Variants in YWHAH observed in about 807,000 individuals in gnomAD.
YWHAH encodes 14-3-3 protein eta.
In YWHAH, 6 loss-of-function variants were observed where a neutral mutation model predicts 22.9. The ratio of observed to expected loss-of-function variants is 0.26; its 90% CI spans 0.14 to 0.52. YWHAH has a LOEUF of 0.52. Ranked by LOEUF, YWHAH falls within the 20% of genes least tolerant of loss-of-function variation. The pLI, the probability that YWHAH is intolerant of heterozygous loss-of-function variation, is 0.97. For synonymous variants in YWHAH, 135 were observed against 124.5 expected (o/e 1.08, Z -0.56); for missense variants, 173 against 308.6 (o/e 0.56, Z 3.29).
At chr22:31,952,524 C>T (rs544839395) in intron 1 of YWHAH, among the ~76,000 whole-genome samples, 1 of 152,196 alleles carries the variant, frequency 6.6e-6, no homozygotes, top group Non-Finnish European at 1.5e-5. Context: ...GAATTATAAC[C>T]CAGGAGTATT....
At chr22:31,953,780 A>T (rs535934706) in intron 1 of YWHAH, among the ~76,000 whole-genome samples, 1 of 152,298 alleles carries the variant, frequency 6.6e-6, no homozygotes, top group South Asian at 2.1e-4. Context: ...AATGGTCAGG[A>T]TAGCTGTTAG....
Position 31,956,948 on chromosome 22 carries a change from G to C in YWHAH, c.*156G>C. 1 of 975,408 alleles carries C rather than the reference G, an allele frequency of 1.0e-6. No individual in the cohort carries two copies. 60.4% of individuals were successfully genotyped at this position (975,408 alleles called of 1,614,324 possible). A position where few individuals can be genotyped will look rare whatever the true frequency, so the allele number is the denominator to read the frequency against. ...TCCTGTCTCTTGGGAAGCAGTTTCA[G>C]ATAAATCATGGGCATTGCTGGACTG... On this transcript the variant is annotated 3_prime_UTR_variant, in exon 2 of 2. Transcript: ENST00000248975. The surrounding 1 kb of genome is among the most constrained non-coding windows in gnomAD (Gnocchi z 5.1).
intron 1 of YWHAH, among the ~76,000 whole-genome samples, chr22:31,954,225 GT>G (rs1412431950): frequency 6.6e-6 from 1 of 151,888 alleles, no homozygotes; most frequent in Admixed American, 6.6e-5. Context: ...TACCTTTTTT[GT>G]TTAGTGTTTT....
In YWHAH at chr22:31,956,864, C is replaced by T. The variant is rs917203029; in HGVS notation, c.*72C>T. 1.4e-6 allele frequency: 2 copies of T among 1,473,732 alleles called. No individual in the cohort carries two copies. Among genetic ancestry groups the T allele is most frequent in the African/African-American group, 2.8e-5 (2 of 71,282 alleles). 91.3% of individuals were successfully genotyped at this position (1,473,732 alleles called of 1,614,324 possible). ...ATCACCGATTCTTCCTTGCCACAAT[C>T]ACTAAATATCTAGTGCTAAACCTAT... On this transcript the variant is annotated 3_prime_UTR_variant, in exon 2 of 2. Transcript: ENST00000248975. The surrounding 1 kb of genome is among the most constrained non-coding windows in gnomAD (Gnocchi z 5.1).
rs566574715 is a variant in YWHAH at position 31,949,830 on chromosome 22, CAAAGGG to C, written c.87+5012_87+5017del. On this transcript the variant is annotated intron_variant, in intron 1 of 1. Transcript: ENST00000248975. ...CACTATGTAACAATGCCCCATGAGGCAAAGGGATAATATGTCTAGTATACATTCTGG... is the reference window on the plus strand; with the variant it reads ...CACTATGTAACAATGCCCCATGAGGCATAATATGTCTAGTATACATTCTGG... Among the ~76,000 whole-genome samples, 26 of 152,248 alleles carry C rather than the reference CAAAGGG, an allele frequency of 1.7e-4. 1 individual carries two copies. In the South Asian group the frequency reaches 4.8e-3, roughly 28 times the overall value.
rs571623950 is a variant in YWHAH, at chr22:31,951,136, C to T, written c.88-5003C>T. On this transcript the variant is annotated intron_variant, in intron 1 of 1. Transcript: ENST00000248975. ...TCGTACTCCCTGGCCTCAAGTGATCCGCCTGCCTTGGCCTCCCAAAGTGCT... is the reference window on the plus strand; with the variant it reads ...TCGTACTCCCTGGCCTCAAGTGATCTGCCTGCCTTGGCCTCCCAAAGTGCT... 1.6e-4 allele frequency among the ~76,000 whole-genome samples: 25 copies of T among 152,210 alleles called. No individual in the cohort carries two copies. The South Asian group carries it at 2.5e-3, about 15-fold the overall frequency.
rs1269868463 is a variant in YWHAH, at chr22:31,957,115, G to C, written c.*323G>C. The stretch of plus-strand genomic sequence containing the variant: ...AAGATTAGAAAGAATTAGCCAACCA[G>C]GCTACAGTTGATATTTAAAAGATCC... On this transcript the variant is annotated 3_prime_UTR_variant, in exon 2 of 2. Transcript: ENST00000248975. 2 of 236,902 alleles carry C rather than the reference G, an allele frequency of 8.4e-6. No individual in the cohort carries two copies. Among genetic ancestry groups the C allele is most frequent in the African/African-American group, 4.5e-5 (2 of 44,108 alleles). The allele number at this position is 236,902 out of a possible 1,614,324, so 14.7% of individuals were successfully genotyped here.
intron 1 of YWHAH, among the ~76,000 whole-genome samples, chr22:31,950,908 T>C (rs2093842409): frequency 6.6e-6 from 1 of 152,072 alleles, no homozygotes; most frequent in African/African-American, 2.4e-5. Flanking sequence ...TCATTTTTTG[T>C]TTTTTTGAGA....
chr22:31,949,938 A>G (rs890641239), intron 1 of YWHAH, among the ~76,000 whole-genome samples: 3 of 150,392 alleles, frequency 2.0e-5, no homozygotes, highest in African/African-American at 7.3e-5. Context: ...AAATAATTTT[A>G]TCTGTTGGGT....
intron 1 of YWHAH, among the ~76,000 whole-genome samples, chr22:31,952,306 T>G (rs763761388): frequency 6.6e-6 from 1 of 152,212 alleles, no homozygotes; most frequent in Non-Finnish European, 1.5e-5. Context: ...TTTTCATTAG[T>G]TCTCCTGGCT....
In YWHAH at chr22:31,956,812, G is replaced by A. The variant is rs1333991872; in HGVS notation, c.*20G>A. The stretch of plus-strand genomic sequence containing the variant: ...AACTGAAGATCCTTCAGGTCCCCTG[G>A]CCCTTCCTTCACCCACCACCCCCAT... On this transcript the variant is annotated 3_prime_UTR_variant, in exon 2 of 2. Coordinates refer to ENST00000248975, the MANE Select transcript of YWHAH (RefSeq NM_003405.4). The surrounding 1 kb of genome is among the most constrained non-coding windows in gnomAD (Gnocchi z 5.1). The A allele has an allele frequency of 6.5e-7, 1 of 1,549,880 alleles. No homozygotes were observed. The highest frequency in any genetic ancestry group is 8.7e-7 in the Non-Finnish European group (1 of 1,147,604).
chr22:31,950,491 A>C (rs920442613), intron 1 of YWHAH: 1 of 733,628 alleles, frequency 1.4e-6, no homozygotes, highest in Admixed American at 1.9e-5. Flanking sequence ...GGATGCCTCT[A>C]GGGACAGTAG....
At chr22:31,953,570 T>A (rs1830100685) in intron 1 of YWHAH, among the ~76,000 whole-genome samples, 1 of 152,200 alleles carries the variant, frequency 6.6e-6, no homozygotes, top group African/African-American at 2.4e-5. Flanking sequence ...AGAAAATGTA[T>A]GTAAGTGTTT....
chr22:31,949,677 C>T (rs917101965), intron 1 of YWHAH, among the ~76,000 whole-genome samples: 1 of 152,110 alleles, frequency 6.6e-6, no homozygotes, highest in African/African-American at 2.4e-5. Context: ...TCTTGTTTAA[C>T]AATTCAGGAT....
Position 31,956,657 on chromosome 22 carries a change from T to C in YWHAH, c.606T>C (p.Asp202=), listed in dbSNP as rs770826115. 1 of 1,614,170 alleles carries C rather than the reference T, an allele frequency of 6.2e-7. No individual in the cohort carries two copies. Among genetic ancestry groups the C allele is most frequent in the Non-Finnish European group, 8.5e-7 (1 of 1,180,040 alleles). ...QACLLAKQAF[D]DAIAELDTLN... ...GCCTCTTAGCCAAACAAGCCTTCGA[T>C]GATGCCATAGCTGAGCTGGACACAC... is the stretch of plus-strand genomic sequence containing the variant. Residue 202 remains aspartate (D), a synonymous_variant, in exon 2 of 2, where the codon GAT becomes GAC. Coordinates refer to ENST00000248975, the MANE Select transcript of YWHAH (RefSeq NM_003405.4). The surrounding 1 kb of genome is among the most constrained non-coding windows in gnomAD (Gnocchi z 5.1).
chr22:31,947,278 G>C (rs896840123), intron 1 of YWHAH: 2 of 393,076 alleles, frequency 5.1e-6, no homozygotes, highest in African/African-American at 4.2e-5. Context: ...GATGCCACCA[G>C]TCTGTAACCT....
chr22:31,956,369 G>A lies in YWHAH; in HGVS notation c.318G>A (p.Lys106=). The A allele has an allele frequency of 6.2e-7, 1 of 1,614,156 alleles. No individual in the cohort carries two copies. Among genetic ancestry groups the A allele is most frequent in the Non-Finnish European group, 8.5e-7 (1 of 1,180,036 alleles). The part of the protein sequence containing the change: ...VCNDVLSLLD[K]FLIKNCNDFQ... ...ATGATGTCCTGTCTCTGCTTGACAA[G>A]TTCCTGATCAAGAACTGCAATGATT... Residue 106 remains lysine, a synonymous_variant, in exon 2 of 2, where the codon AAG becomes AAA. Transcript: ENST00000248975. The surrounding 1 kb of genome is among the most constrained non-coding windows in gnomAD (Gnocchi z 5.1).
At chr22:31,949,871 C>T (rs1468907635) in intron 1 of YWHAH, among the ~76,000 whole-genome samples, 1 of 152,070 alleles carries the variant, frequency 6.6e-6, no homozygotes, top group African/African-American at 2.4e-5. Flanking sequence ...GTATATTAAC[C>T]ATTGTCAGCA....
chr22:31,956,921 ACT>A lies in YWHAH; in HGVS notation c.*131_*132del. 8.4e-7 allele frequency: 1 copy of A among 1,186,998 alleles called. No individual in the cohort carries two copies. The highest frequency in any genetic ancestry group is 2.9e-5 in the Admixed American group (1 of 34,540). The allele number at this position is 1,186,998 out of a possible 1,614,324, so 73.5% of individuals were successfully genotyped here. A position where few individuals can be genotyped will look rare whatever the true frequency, so the allele number is the denominator to read the frequency against. Reference sequence around the variant, plus strand: ...TGGCAGCACAGCTACTCAGATCTGCACTCCTGTCTCTTGGGAAGCAGTTTCAG... The same window carrying A: ...TGGCAGCACAGCTACTCAGATCTGCACCTGTCTCTTGGGAAGCAGTTTCAG... On this transcript the variant is annotated 3_prime_UTR_variant, in exon 2 of 2. Transcript: ENST00000248975. This position sits in a 1 kb window ranked among gnomAD's most constrained non-coding sequence, Gnocchi z 5.1.
Sources: gnomAD v4.1 joint callset for allele counts (sites outside exome capture counted in the v4.1 genomes callset) on GRCh38, gnomAD v4.1.1 for gene constraint, Gnocchi (gnomAD v3.1) non-coding constraint, MANE v1.5 for transcripts, NCBI Gene and HGNC (gene_info 2026-07-23, HGNC 2026-07-21) for gene names.